Variants in TAOK3 observed in about 807,000 individuals in gnomAD.
TAOK3 encodes TAO kinase 3.
Under a neutral mutation model 120.4 loss-of-function variants are expected in TAOK3, and 40 were observed. That is an observed-to-expected ratio of 0.33 (90% CI 0.26 to 0.43). The LOEUF is 0.43. TAOK3 is among the 20% of genes least tolerant of loss of function. The probability of loss-of-function intolerance (pLI) is 1.00; values close to 1 mark genes in which losing one functional copy is unlikely to be tolerated. For missense variants in TAOK3, 821 were observed against 1,112.1 expected, an observed-to-expected ratio of 0.74 and a Z score of 3.72; for synonymous variants, 355 against 387.5, an observed-to-expected ratio of 0.92 and a Z score of 0.99.
chr12:118,216,862 G>A (rs1308223617), intron 9 of TAOK3, among the ~76,000 whole-genome samples: 4 of 151,044 alleles, frequency 2.6e-5, no homozygotes, highest in African/African-American at 9.8e-5. Flanking sequence ...CCAGGAGGCG[G>A]AGCCTGCAGT....
At chr12:118,220,860 AAGCATTCTCTGAGTATT>A (rs778562258) in intron 9 of TAOK3, among the ~76,000 whole-genome samples, 1 of 152,186 alleles carries the variant, frequency 6.6e-6, no homozygotes, top group Non-Finnish European at 1.5e-5. Context: ...ATAGTCTGGG[AAGCATTCTCTGAGTATT>A]AGCTTCAAGT....
intron 1 of TAOK3, among the ~76,000 whole-genome samples, chr12:118,330,897 G>A (rs1274790455): frequency 1.3e-5 from 2 of 152,098 alleles, no homozygotes; most frequent in Non-Finnish European, 2.9e-5. Context: ...GCCATAAACT[G>A]TGTGAAAATG....
chr12:118,331,659 A>C (rs2044154985), intron 1 of TAOK3, among the ~76,000 whole-genome samples: 1 of 150,836 alleles, frequency 6.6e-6, no homozygotes, highest in South Asian at 2.1e-4. Context: ...AAAAAAAAAA[A>C]AAAAAAAAAG....
chr12:118,250,184 C>G (rs776300280), intron 3 of TAOK3, among the ~76,000 whole-genome samples: 7 of 151,810 alleles, frequency 4.6e-5, no homozygotes, highest in Admixed American at 1.3e-4. Context: ...TGGTCTCGAA[C>G]TCCTGGGCTA....
intron 5 of TAOK3, 111 bp downstream of exon 5, chr12:118,243,304 T>C (rs1349166854): frequency 6.3e-6 from 4 of 631,408 alleles, no homozygotes; most frequent in Non-Finnish European, 1.1e-5. Flanking sequence ...ATAACAAAAG[T>C]TAAATGGAAC....
intron 1 of TAOK3, among the ~76,000 whole-genome samples, chr12:118,305,540 A>G (rs1399929853): frequency 6.6e-6 from 1 of 152,198 alleles, no homozygotes; most frequent in Non-Finnish European, 1.5e-5. Context: ...ATTAAATGTG[A>G]TATTCTATAG....
At chr12:118,164,500 C>G (rs949116299) in intron 17 of TAOK3, among the ~76,000 whole-genome samples, 1 of 151,950 alleles carries the variant, frequency 6.6e-6, no homozygotes, top group African/African-American at 2.4e-5. Flanking sequence ...TTGCTGCAAC[C>G]TCCGCCTCCA....
intron 9 of TAOK3, among the ~76,000 whole-genome samples, chr12:118,228,041 T>TAA (rs779990109): frequency 1.3e-5 from 2 of 152,042 alleles, no homozygotes; most frequent in Admixed American, 6.6e-5. Context: ...CTTTTTCTTC[T>TAA]AAAAAAATAA....
chr12:118,184,251 G>T (rs1306474851), intron 14 of TAOK3, among the ~76,000 whole-genome samples: 2 of 152,046 alleles, frequency 1.3e-5, no homozygotes, highest in South Asian at 2.1e-4. Context: ...TATATATATA[G>T]AGATACTAAG....
chr12:118,153,136 GTGGC>G lies in TAOK3; in HGVS notation c.2353-731_2353-728del, dbSNP rs2034568842. On this transcript the variant is annotated intron_variant, in intron 19 of 20. Transcript: ENST00000392533. The stretch of plus-strand genomic sequence containing the variant: ...TGGTTCAAAATCTCTTCCCTGGCTG[GTGGC>G]TCACCTCTGTTATCTCAGCGCTTTG... 3.3e-5 allele frequency among the ~76,000 whole-genome samples: 5 copies of G among 152,320 alleles called. No homozygotes were observed. In the South Asian group the frequency reaches 1.0e-3, roughly 32 times the overall value.
At chr12:118,221,634 CTT>C (rs35069196) in intron 9 of TAOK3, among the ~76,000 whole-genome samples, 5 of 125,952 alleles carry the variant, frequency 4.0e-5, no homozygotes, top group Non-Finnish European at 3.2e-5. Context: ...TACATATAAC[CTT>C]TTTTTTTTTT....
chr12:118,171,005 C>T (rs1382087690), intron 17 of TAOK3, among the ~76,000 whole-genome samples: 1 of 152,184 alleles, frequency 6.6e-6, no homozygotes, highest in Non-Finnish European at 1.5e-5. Context: ...GATACTGTTA[C>T]CACTGTGCTA....
intron 17 of TAOK3, among the ~76,000 whole-genome samples, chr12:118,166,991 C>A (rs2035642775): frequency 6.6e-6 from 1 of 152,096 alleles, no homozygotes; most frequent in Admixed American, 6.5e-5. Context: ...TCTTTAAAAG[C>A]AGCGGATTTC....
chr12:118,296,432 C>T (rs186949669), intron 1 of TAOK3, among the ~76,000 whole-genome samples: 1 of 152,292 alleles, frequency 6.6e-6, no homozygotes, highest in Admixed American at 6.5e-5. Context: ...CTATGCCTGG[C>T]CTGATTTTTT....
At chr12:118,210,615 C>A (rs555411674) in intron 11 of TAOK3, among the ~76,000 whole-genome samples, 1 of 152,164 alleles carries the variant, frequency 6.6e-6, no homozygotes, top group Non-Finnish European at 1.5e-5. Context: ...GTTACCTCCT[C>A]GAACGGCCTT....
At position 118,199,173 on chromosome 12, in the gene TAOK3, C is replaced by T. The variant is rs2037897488; in HGVS notation, c.1072G>A (p.Gly358Ser). The T allele has an allele frequency of 4.3e-6, 7 of 1,614,184 alleles. No homozygotes were observed. The highest frequency in any genetic ancestry group is 5.9e-6 in the Non-Finnish European group (7 of 1,180,032). Reference protein sequence around the residue: ...HSIPSMSVSTGSQSSSVNSMQ... With the variant: ...HSIPSMSVSTSSQSSSVNSMQ... ...CTGTTCACACTGCTGCTCTGGCTGCCTGTGCTCACGGACATGCTTGGAATG... is the reference window on the plus strand; with the variant it reads ...CTGTTCACACTGCTGCTCTGGCTGCTTGTGCTCACGGACATGCTTGGAATG... The change falls in exon 13 of 21, where the codon GGC becomes AGC. Residue 358 changes from glycine to serine, a missense_variant. By Grantham distance (56) the Gly-to-Ser change is moderately conservative. This residue lies in a region of TAOK3 where 467 missense variants were observed against 540.0 expected (regional missense o/e 0.86). Coordinates refer to ENST00000392533, the MANE Select transcript of TAOK3 (RefSeq NM_016281.4).
intron 14 of TAOK3, among the ~76,000 whole-genome samples, chr12:118,182,623 A>ATATATATATATATATATATATAT (rs371125415): frequency 9.7e-5 from 9 of 92,414 alleles, no homozygotes; most frequent in Non-Finnish European, 1.2e-4. Flanking sequence ...ATATATATAT[A>ATATATATATATATATATATATAT]TTTTTTTTTT....
intron 2 of TAOK3, among the ~76,000 whole-genome samples, chr12:118,264,987 T>C (rs753813881): frequency 5.9e-4 from 90 of 152,006 alleles, no homozygotes; most frequent in Non-Finnish European, 1.0e-3. Flanking sequence ...TGAGCAGACA[T>C]TGTGCCACTT....
At chr12:118,158,442 A>G (rs1374087233) in intron 19 of TAOK3, among the ~76,000 whole-genome samples, 3 of 152,190 alleles carry the variant, frequency 2.0e-5, no homozygotes, top group African/African-American at 7.2e-5. Context: ...CACCAGGTCT[A>G]CAACTTAGTC....
Sources: allele counts gnomAD v4.1 joint callset (sites outside exome capture counted in the v4.1 genomes callset), GRCh38; gene constraint gnomAD v4.1.1; regional missense constraint gnomAD v4.1.1; transcripts MANE v1.5; gene names NCBI Gene and HGNC (gene_info 2026-07-23, HGNC 2026-07-21).